DPP10: variants seen among roughly 807,000 people sequenced by gnomAD.
DPP10 encodes dipeptidyl peptidase like 10.
Under a neutral mutation model 120.9 loss-of-function variants are expected in DPP10, and 33 were observed. That is an observed-to-expected ratio of 0.27 (90% CI 0.21 to 0.37). DPP10 has a LOEUF of 0.37. DPP10 is among the 10% of genes least tolerant of loss of function. DPP10 has a pLI of 1.00. For missense variants in DPP10, 816 were observed against 942.8 expected (o/e 0.87, Z 1.76); for synonymous variants, 337 against 326.1 (o/e 1.03, Z -0.36).
chr2:114,818,247 G>GA (rs1415562077), intron 1 of DPP10, among the ~76,000 whole-genome samples: 2 of 151,928 alleles, frequency 1.3e-5, no homozygotes, highest in African/African-American at 2.4e-5. Context: ...CCTGCCAAAA[G>GA]AAAAAATTAT....
At chr2:114,888,460 G>A (rs1254753388) in intron 1 of DPP10, among the ~76,000 whole-genome samples, 1 of 152,096 alleles carries the variant, frequency 6.6e-6, no homozygotes, top group Non-Finnish European at 1.5e-5. Flanking sequence ...TAATGATCAA[G>A]ATTAAAGAAA....
chr2:115,162,744 C>T (rs1404200291), intron 1 of DPP10, among the ~76,000 whole-genome samples: 1 of 152,142 alleles, frequency 6.6e-6, no homozygotes, highest in East Asian at 1.9e-4. Context: ...GTCTCTTTCC[C>T]GTCCGTCTAC....
rs914214537 is a variant in DPP10 at position 115,168,199 on chromosome 2, A to T, written c.61-141040A>T. On this transcript the variant is annotated intron_variant, in intron 1 of 25. Transcript: ENST00000410059. Reference sequence around the variant, plus strand: ...CTACACCTTTTTCTGTGTAACCTTTAAACACACATGTATGCTCCACTTATT... The same window carrying T: ...CTACACCTTTTTCTGTGTAACCTTTTAACACACATGTATGCTCCACTTATT... Among the ~76,000 whole-genome samples the T allele has an allele frequency of 3.3e-5, 5 of 152,136 alleles. No individual in the cohort carries two copies. In the East Asian group the frequency reaches 9.7e-4, roughly 29 times the overall value.
At chr2:115,464,193 T>A (rs1416467229) in intron 3 of DPP10, among the ~76,000 whole-genome samples, 1 of 152,156 alleles carries the variant, frequency 6.6e-6, no homozygotes, top group Admixed American at 6.5e-5. Context: ...AAGGGTGATG[T>A]GATAGAGCAG....
intron 1 of DPP10, among the ~76,000 whole-genome samples, chr2:114,516,466 T>C (rs988505229): frequency 6.6e-6 from 1 of 152,212 alleles, no homozygotes; most frequent in Non-Finnish European, 1.5e-5. Context: ...CTGGAAAAGA[T>C]GAAGAAAGAT....
At position 115,308,715 on chromosome 2, in the gene DPP10, T is replaced by A. The variant is rs927411280; in HGVS notation, c.61-524T>A. Among the ~76,000 whole-genome samples the A allele has an allele frequency of 1.5e-4, 15 of 98,350 alleles. No homozygotes were observed. In the Admixed American group the frequency reaches 1.5e-3, roughly 10 times the overall value. The allele number at this position is 98,350 out of a possible 152,430, so 64.5% of individuals were successfully genotyped here. Reference sequence around the variant, plus strand: ...CCTGTTTTTTTTTTTTTTTTTTTTTTATGAGTGGTGGGAGAACTGTTTAAA... The same window carrying A: ...CCTGTTTTTTTTTTTTTTTTTTTTTAATGAGTGGTGGGAGAACTGTTTAAA... On this transcript the variant is annotated intron_variant, in intron 1 of 25. Transcript: ENST00000410059.
intron 4 of DPP10, among the ~76,000 whole-genome samples, chr2:115,502,767 A>G (rs188269026): frequency 6.6e-6 from 1 of 152,190 alleles, no homozygotes; most frequent in African/African-American, 2.4e-5. Flanking sequence ...ATCATAGCTC[A>G]CTGCAGTCTT....
chr2:115,232,485 T>C (rs2057783881), intron 1 of DPP10, among the ~76,000 whole-genome samples: 1 of 152,220 alleles, frequency 6.6e-6, no homozygotes, highest in African/African-American at 2.4e-5. Flanking sequence ...GTTTTGAACT[T>C]ATACATGCTT....
intron 3 of DPP10, among the ~76,000 whole-genome samples, chr2:115,385,961 A>G (rs1393811554): frequency 3.3e-5 from 5 of 152,212 alleles, no homozygotes; most frequent in Non-Finnish European, 7.3e-5. Flanking sequence ...ATGATATTCT[A>G]TGACTATACC....
intron 1 of DPP10, among the ~76,000 whole-genome samples, chr2:115,128,131 G>T (rs372631204): frequency 9.2e-5 from 14 of 152,060 alleles, no homozygotes; most frequent in African/African-American, 3.4e-4. Context: ...AAAATGCAAG[G>T]GTCTTTATAA....
At chr2:115,144,232 A>G (rs1318905858) in intron 1 of DPP10, 1 of 152,084 alleles carries the variant, frequency 6.6e-6, no homozygotes, top group Non-Finnish European at 1.5e-5. Context: ...ATGCAACAGA[A>G]ATACATGCTA....
chr2:115,830,272 C>T (rs547157512), intron 21 of DPP10, among the ~76,000 whole-genome samples: 3 of 151,174 alleles, frequency 2.0e-5, no homozygotes, highest in South Asian at 2.1e-4. Context: ...GCAGGAGAAT[C>T]GCTTGAACCC....
intron 1 of DPP10, among the ~76,000 whole-genome samples, chr2:114,942,353 A>ATATATACATATATATACG (rs1697008761): frequency 1.4e-5 from 1 of 71,342 alleles, no homozygotes; most frequent in Non-Finnish European, 2.8e-5. Flanking sequence ...ATATATACAT[A>ATATATACATATATATACG]TATATATACA....
chr2:114,897,306 G>T (rs1693103681), intron 1 of DPP10, among the ~76,000 whole-genome samples: 1 of 152,168 alleles, frequency 6.6e-6, no homozygotes, highest in African/African-American at 2.4e-5. Flanking sequence ...GTTTCAGAAA[G>T]AATGGTACCA....
intron 1 of DPP10, among the ~76,000 whole-genome samples, chr2:114,633,760 AC>A (rs1695120110): frequency 6.6e-6 from 1 of 151,554 alleles, no homozygotes; most frequent in African/African-American, 2.4e-5. Context: ...TTACAGGTGC[AC>A]ACCACCATGT....
At chr2:115,212,732 A>G (rs911285978) in intron 1 of DPP10, among the ~76,000 whole-genome samples, 1 of 152,160 alleles carries the variant, frequency 6.6e-6, no homozygotes, top group Non-Finnish European at 1.5e-5. Flanking sequence ...TTACCTTGAC[A>G]TATTTTATTA....
At chr2:115,553,423 T>C (rs1409612335) in intron 5 of DPP10, among the ~76,000 whole-genome samples, 1 of 152,234 alleles carries the variant, frequency 6.6e-6, no homozygotes, top group East Asian at 1.9e-4. Flanking sequence ...CATATATTAA[T>C]AAGCTGTTTT....
At chr2:114,785,479 G>C (rs1268721469) in intron 1 of DPP10, among the ~76,000 whole-genome samples, 1 of 152,274 alleles carries the variant, frequency 6.6e-6, no homozygotes, top group South Asian at 2.1e-4. Flanking sequence ...CAGGCAAGAA[G>C]ATAGTATCCT....
intron 1 of DPP10, among the ~76,000 whole-genome samples, chr2:114,443,125 C>T (rs1307006537): frequency 4.0e-5 from 6 of 151,816 alleles, no homozygotes. Context: ...AGAAGAGTTT[C>T]CAGTCCATGC....
Sources: gnomAD v4.1 joint callset for allele counts (sites outside exome capture counted in the v4.1 genomes callset) on GRCh38, gnomAD v4.1.1 for gene constraint, MANE v1.5 for transcripts, NCBI Gene and HGNC (gene_info 2026-07-23, HGNC 2026-07-21) for gene names.